KDM4C: variants seen among roughly 807,000 people sequenced by gnomAD.
The protein encoded by KDM4C is lysine-specific demethylase 4C.
Under a neutral mutation model 129.3 loss-of-function variants are expected in KDM4C, and 81 were observed. That is an observed-to-expected ratio of 0.63 (90% CI 0.52 to 0.75). The LOEUF is 0.75. Among genes scored for constraint, KDM4C ranks in the 30% least tolerant of loss-of-function variants. The pLI, the probability that KDM4C is intolerant of heterozygous loss-of-function variation, is 0.00. For synonymous variants in KDM4C, 573 were observed against 456.1 expected (o/e 1.26, Z -3.26); for missense variants, 1,457 against 1,304.0 (o/e 1.12, Z -1.81).
chr9:6,764,107 A>AT (rs1749342591), intron 1 of KDM4C, among the ~76,000 whole-genome samples: 1 of 152,086 alleles, frequency 6.6e-6, no homozygotes, highest in Non-Finnish European at 1.5e-5. Flanking sequence ...CTTAGATGAG[A>AT]TTTTGTTATA....
rs139989822 is a variant in KDM4C, at chr9:7,067,936, C to T, written c.2424+18736C>T. ...TCAGCCTCCCGAGTAGCTGGGACTA[C>T]AGGCGGCCACCACCACGCATGGCTA... is the stretch of plus-strand genomic sequence containing the variant. On this transcript the variant is annotated intron_variant, in intron 17 of 21. Transcript: ENST00000381309. Among the ~76,000 whole-genome samples the T allele has an allele frequency of 8.7e-4, 132 of 152,238 alleles. 2 individuals are homozygous for T. The East Asian group carries it at 0.022, about 25-fold the overall frequency.
chr9:6,793,219 C>G, intron 2 of KDM4C, 87 bp downstream of exon 2: 1 of 1,454,660 alleles, frequency 6.9e-7, no homozygotes, highest in Non-Finnish European at 9.4e-7. Context: ...GACATTGTTT[C>G]TGAAGGAAGA....
At chr9:7,070,719 G>C (rs1833077696) in intron 17 of KDM4C, among the ~76,000 whole-genome samples, 2 of 152,152 alleles carry the variant, frequency 1.3e-5, no homozygotes, top group Middle Eastern at 6.8e-3. Flanking sequence ...TTCTAATAAA[G>C]CATACTTACA....
chr9:7,133,798 G>C (rs999931), intron 19 of KDM4C, among the ~76,000 whole-genome samples: 5,072 of 152,310 alleles, frequency 0.033, 117 homozygotes, highest in Non-Finnish European at 0.053. Flanking sequence ...GGGTATTCCA[G>C]AGGCAAAAGA....
At chr9:6,913,484 A>G (rs986446935) in intron 8 of KDM4C, among the ~76,000 whole-genome samples, 1 of 152,210 alleles carries the variant, frequency 6.6e-6, no homozygotes, top group African/African-American at 2.4e-5. Flanking sequence ...CAGCTGGTGA[A>G]GAATACGTTT....
At chr9:6,976,981 G>A (rs1042525654) in intron 8 of KDM4C, among the ~76,000 whole-genome samples, 1 of 152,030 alleles carries the variant, frequency 6.6e-6, no homozygotes, top group Admixed American at 6.6e-5. Context: ...TTTCATTTGG[G>A]CTTATTTGTT....
chr9:6,787,125 C>G (rs1373643507), intron 1 of KDM4C, among the ~76,000 whole-genome samples: 1 of 152,164 alleles, frequency 6.6e-6, no homozygotes, highest in East Asian at 1.9e-4. Context: ...AGTATATTTC[C>G]TAGACCAGTT....
intron 4 of KDM4C, among the ~76,000 whole-genome samples, chr9:6,840,018 T>A (rs879418286): frequency 6.6e-6 from 1 of 152,168 alleles, no homozygotes; most frequent in Non-Finnish European, 1.5e-5. Flanking sequence ...CAAAGAGCTA[T>A]GATATACTGG....
At chr9:6,728,943 C>G (rs537994440) in intron 1 of KDM4C, among the ~76,000 whole-genome samples, 7 of 151,234 alleles carry the variant, frequency 4.6e-5, no homozygotes, top group Non-Finnish European at 7.4e-5. Context: ...CGGTGGTTCA[C>G]GCCTGTAATC....
At chr9:7,008,060 A>G (rs758797088) in intron 12 of KDM4C, among the ~76,000 whole-genome samples, 3 of 152,170 alleles carry the variant, frequency 2.0e-5, no homozygotes, top group Non-Finnish European at 2.9e-5. Context: ...ATGAAAAAAG[A>G]TGCATTGAAG....
intron 8 of KDM4C, among the ~76,000 whole-genome samples, chr9:6,944,115 T>C (rs539460513): frequency 1.2e-4 from 19 of 152,342 alleles, no homozygotes; most frequent in East Asian, 5.8e-4. Flanking sequence ...TGTCGAATTA[T>C]GTGTTGGGTT....
At chr9:7,044,710 A>G (rs1443912345) in intron 15 of KDM4C, among the ~76,000 whole-genome samples, 1 of 152,040 alleles carries the variant, frequency 6.6e-6, no homozygotes, top group Non-Finnish European at 1.5e-5. Context: ...ACTGTTAGTC[A>G]GACACCTCAG....
chr9:7,129,591 C>G (rs980422558), intron 19 of KDM4C, among the ~76,000 whole-genome samples: 12 of 152,056 alleles, frequency 7.9e-5, no homozygotes, highest in East Asian at 7.7e-4. Flanking sequence ...ACTTACCACA[C>G]TAGGTGCTGG....
At chr9:7,106,297 A>G (rs1837678760) in intron 18 of KDM4C, among the ~76,000 whole-genome samples, 1 of 152,256 alleles carries the variant, frequency 6.6e-6, no homozygotes, top group African/African-American at 2.4e-5. Flanking sequence ...TGTGTAAACT[A>G]TCAATGCTAA....
chr9:6,995,590 C>A (rs1438216708), intron 12 of KDM4C, among the ~76,000 whole-genome samples: 1 of 152,128 alleles, frequency 6.6e-6, no homozygotes, highest in Non-Finnish European at 1.5e-5. Context: ...TACAGTTCAG[C>A]TAGGTTTGTT....
chr9:6,810,876 A>G (rs910047330), intron 3 of KDM4C, among the ~76,000 whole-genome samples: 1 of 151,978 alleles, frequency 6.6e-6, no homozygotes, highest in Non-Finnish European at 1.5e-5. Context: ...TGTCTCCAAA[A>G]AAATAAATAA....
rs1462409654 is a variant in KDM4C, at chr9:6,866,033, G to T, written c.630-13979G>T. On this transcript the variant is annotated intron_variant, in intron 5 of 21. Coordinates refer to ENST00000381309, the MANE Select transcript of KDM4C (RefSeq NM_015061.6). Reference sequence around the variant, plus strand: ...CTCCCAGAGTGCTGGGATTCACCGTGCCTGGCCACCCAGCTAATTTTTGTA... The same window carrying T: ...CTCCCAGAGTGCTGGGATTCACCGTTCCTGGCCACCCAGCTAATTTTTGTA... Among the ~76,000 whole-genome samples the T allele has an allele frequency of 2.0e-5, 3 of 152,014 alleles. No individual in the cohort carries two copies. The South Asian group carries it at 6.2e-4, about 31-fold the overall frequency.
chr9:7,134,070 C>A (rs1322976927), intron 19 of KDM4C, among the ~76,000 whole-genome samples: 1 of 152,218 alleles, frequency 6.6e-6, no homozygotes, highest in Admixed American at 6.5e-5. Flanking sequence ...CCTCTTCCCT[C>A]TCCCCCTCCC....
chr9:6,990,998 A>G (rs946063304), intron 12 of KDM4C, among the ~76,000 whole-genome samples: 1 of 152,174 alleles, frequency 6.6e-6, no homozygotes, highest in Non-Finnish European at 1.5e-5. Context: ...CCTTCACTAG[A>G]TCGCTGTGAT....
Sources: gnomAD v4.1 joint callset for allele counts (sites outside exome capture counted in the v4.1 genomes callset) on GRCh38, gnomAD v4.1.1 for gene constraint, MANE v1.5 for transcripts, NCBI Gene and HGNC (gene_info 2026-07-23, HGNC 2026-07-21) for gene names.